The following CNTLN variants were observed in gnomAD, a reference collection of about 807,000 sequenced individuals.
CNTLN encodes centlein, centrosomal protein.
Under a neutral mutation model 180.0 loss-of-function variants are expected in CNTLN, and 212 were observed. That is an observed-to-expected ratio of 1.18 (90% CI 1.05 to 1.32). The LOEUF (loss-of-function observed/expected upper bound fraction) is 1.32, where lower values mean the gene tolerates loss of function less well. Among genes scored for constraint, CNTLN ranks in the 40% most tolerant of loss-of-function variants. CNTLN has a pLI of 0.00. For missense variants in CNTLN, 2,095 were observed against 1,610.9 expected (o/e 1.30, Z -5.14); for synonymous variants, 722 against 563.1 (o/e 1.28, Z -3.99).
the CNTLN span, among the ~76,000 whole-genome samples, chr9:17,519,591 A>G: frequency 6.6e-6 from 1 of 152,200 alleles, no homozygotes; most frequent in Non-Finnish European, 1.5e-5. Flanking sequence ...GAGACTTGCC[A>G]GGACTGAGGG....
chr9:17,454,473 C>G (rs996610221), intron 18 of CNTLN, among the ~76,000 whole-genome samples: 1 of 152,142 alleles, frequency 6.6e-6, no homozygotes, highest in Non-Finnish European at 1.5e-5. Context: ...TAGATTGATT[C>G]TAGTCAAACA....
chr9:17,171,732 G>C (rs1242521416), intron 2 of CNTLN, among the ~76,000 whole-genome samples: 1 of 152,022 alleles, frequency 6.6e-6, no homozygotes, highest in East Asian at 1.9e-4. Flanking sequence ...CAGGGCACAG[G>C]CACCCCCACC....
intron 18 of CNTLN, among the ~76,000 whole-genome samples, chr9:17,431,882 C>T (rs538172306): frequency 2.0e-5 from 3 of 152,240 alleles, no homozygotes; most frequent in African/African-American, 7.2e-5. Context: ...GATAAAGGAT[C>T]AAACAAATAT....
intron 22 of CNTLN, 33 bp downstream of exon 22, chr9:17,466,151 G>A: frequency 6.4e-7 from 1 of 1,554,326 alleles, no homozygotes; most frequent in East Asian, 2.3e-5. Flanking sequence ...TTAGATTACA[G>A]ATGGAATATA....
the CNTLN span, among the ~76,000 whole-genome samples, chr9:17,510,765 G>T: frequency 6.6e-6 from 1 of 152,172 alleles, no homozygotes; most frequent in Non-Finnish European, 1.5e-5. Context: ...GTTTCCCCAT[G>T]TTGGTTCTGT....
chr9:17,187,634 T>C (rs1011501165), intron 2 of CNTLN, among the ~76,000 whole-genome samples: 1 of 151,948 alleles, frequency 6.6e-6, no homozygotes, highest in East Asian at 1.9e-4. Context: ...ATTTTCTTAT[T>C]TTCCCCTTGC....
the CNTLN span, among the ~76,000 whole-genome samples, chr9:17,511,695 C>T: frequency 6.6e-6 from 1 of 152,068 alleles, no homozygotes; most frequent in African/African-American, 2.4e-5. Context: ...CCCACACACA[C>T]ACACCAGGAG....
intron 7 of CNTLN, among the ~76,000 whole-genome samples, chr9:17,304,561 C>A (rs575966981): frequency 6.6e-6 from 1 of 152,144 alleles, no homozygotes; most frequent in East Asian, 1.9e-4. Flanking sequence ...TTAGTGTTGT[C>A]ATTTTTGGCT....
At chr9:17,275,907 C>T (rs572153113) in intron 6 of CNTLN, among the ~76,000 whole-genome samples, 1 of 152,166 alleles carries the variant, frequency 6.6e-6, no homozygotes, top group South Asian at 2.1e-4. Flanking sequence ...TTCATGTTCT[C>T]ACTTATAAGT....
chr9:17,292,478 G>C (rs1344646984), intron 6 of CNTLN, among the ~76,000 whole-genome samples: 1 of 152,048 alleles, frequency 6.6e-6, no homozygotes, highest in African/African-American at 2.4e-5. Flanking sequence ...TAATCCCAAA[G>C]TTCATGGAGG....
chr9:17,347,314 G>A (rs186465988), intron 12 of CNTLN, among the ~76,000 whole-genome samples: 175 of 152,262 alleles, frequency 1.1e-3, no homozygotes, highest in African/African-American at 4.1e-3. Flanking sequence ...GACTACAGAT[G>A]TTTCTCAACC....
At chr9:17,267,215 C>T (rs540845343) in intron 5 of CNTLN, among the ~76,000 whole-genome samples, 2 of 152,036 alleles carry the variant, frequency 1.3e-5, no homozygotes, top group Non-Finnish European at 2.9e-5. Flanking sequence ...CCTTCAGGAG[C>T]TCTTTTAGGG....
chr9:17,332,154 T>C (rs1196233387), intron 9 of CNTLN, among the ~76,000 whole-genome samples: 1 of 152,082 alleles, frequency 6.6e-6, no homozygotes, highest in Non-Finnish European at 1.5e-5. Context: ...CTGTTGTATT[T>C]ATATTCCTCA....
At chr9:17,164,249 T>A (rs1819890948) in intron 2 of CNTLN, among the ~76,000 whole-genome samples, 1 of 149,166 alleles carries the variant, frequency 6.7e-6, no homozygotes, top group African/African-American at 2.5e-5. Context: ...AAGGCAGAGG[T>A]TGCAGTGAGC....
At chr9:17,497,451 T>C (rs1164774851) in intron 25 of CNTLN, among the ~76,000 whole-genome samples, 1 of 152,200 alleles carries the variant, frequency 6.6e-6, no homozygotes, top group Non-Finnish European at 1.5e-5. Context: ...CAGTTCATTT[T>C]ACTAAATCCT....
At chr9:17,380,116 C>T (rs1825111997) in intron 13 of CNTLN, among the ~76,000 whole-genome samples, 2 of 152,150 alleles carry the variant, frequency 1.3e-5, no homozygotes, top group South Asian at 4.1e-4. Flanking sequence ...GGAGAAAGTG[C>T]CAGCTCCCCA....
At chr9:17,426,006 A>G (rs1829060440) in intron 18 of CNTLN, among the ~76,000 whole-genome samples, 1 of 152,192 alleles carries the variant, frequency 6.6e-6, no homozygotes, top group African/African-American at 2.4e-5. Context: ...GAGAACATTA[A>G]GAGTGTGGCT....
intron 2 of CNTLN, chr9:17,168,657 T>A (rs902297660): frequency 2.6e-5 from 4 of 152,238 alleles, no homozygotes; most frequent in African/African-American, 9.6e-5. Flanking sequence ...TTGAAACTCT[T>A]AAGTTTACTT....
rs540811986 is a variant in CNTLN, at chr9:17,301,826, A to G, written c.1146+3474A>G. On this transcript the variant is annotated intron_variant, in intron 7 of 25. Coordinates refer to ENST00000380647, the MANE Select transcript of CNTLN (RefSeq NM_017738.4). ...AGTCTTTTATAATTCCATCTCCCAG[A>G]GGCAAATACTGTGAACATTTTGAAT... The G allele has an allele frequency of 1.5e-4, 148 of 980,458 alleles. 1 individual carries two copies. In the South Asian group the frequency reaches 6.3e-3, roughly 42 times the overall value. The allele number at this position is 980,458 out of a possible 1,614,324, so 60.7% of individuals were successfully genotyped here.
Sources: gnomAD v4.1 joint callset for allele counts (sites outside exome capture counted in the v4.1 genomes callset) on GRCh38, gnomAD v4.1.1 for gene constraint, MANE v1.5 for transcripts, NCBI Gene and HGNC (gene_info 2026-07-23, HGNC 2026-07-21) for gene names.